The following SSH1 variants were observed in gnomAD, a reference collection of about 807,000 sequenced individuals.
SSH1 encodes the protein protein phosphatase Slingshot homolog 1.
SSH1 carries 43 observed loss-of-function variants against 79.7 expected under a neutral mutation model. That is an observed-to-expected ratio of 0.54 (90% confidence interval 0.42 to 0.70). SSH1 has a LOEUF of 0.70. Among genes scored for constraint, SSH1 ranks in the 30% least tolerant of loss-of-function variants. The probability of loss-of-function intolerance (pLI) is 0.00; values close to 1 mark genes in which losing one functional copy is unlikely to be tolerated. For synonymous variants in SSH1, 599 were observed against 538.3 expected, an observed-to-expected ratio of 1.11 and a Z score of -1.56; for missense variants, 1,206 against 1,358.8, an observed-to-expected ratio of 0.89 and a Z score of 1.77.
At chr12:108,811,746 C>T (rs1351909899) in intron 5 of SSH1, 3 of 282,706 alleles carry the variant, frequency 1.1e-5, no homozygotes, top group African/African-American at 2.2e-5. Flanking sequence ...TGTGCACCTG[C>T]GCCTTTAGTG....
chr12:108,832,221 C>T (rs986344891), intron 2 of SSH1, among the ~76,000 whole-genome samples: 10 of 151,762 alleles, frequency 6.6e-5, no homozygotes, highest in African/African-American at 1.7e-4. Context: ...CACTTGAGCC[C>T]GGGAGGCAGA....
intron 13 of SSH1, among the ~76,000 whole-genome samples, chr12:108,797,152 C>T (rs1259577349): frequency 6.6e-6 from 1 of 152,078 alleles, no homozygotes; most frequent in Admixed American, 6.6e-5. Context: ...TTTCAGACAG[C>T]GTCTGGTTCT....
Position 108,843,475 on chromosome 12 carries a change from C to T in SSH1, c.110+9163G>A, listed in dbSNP as rs921712979. On this transcript the variant is annotated intron_variant, in intron 2 of 14. Transcript: ENST00000326495. ...TCTTCATATGTGCTCAGAGGGGCCC[C>T]GTGCTTGGTTTAATACTCTGTTGGT... is the stretch of plus-strand genomic sequence containing the variant. Among the ~76,000 whole-genome samples, 3 of 151,956 alleles carry T rather than the reference C, an allele frequency of 2.0e-5. No homozygotes were observed. In the East Asian group the frequency reaches 5.8e-4, roughly 29 times the overall value.
chr12:108,811,544 G>A (rs1046628729), intron 5 of SSH1: 1 of 604,896 alleles, frequency 1.7e-6, no homozygotes, highest in South Asian at 1.8e-5. Flanking sequence ...GCTTTTGGGT[G>A]CAGTGTGGGC....
intron 13 of SSH1, among the ~76,000 whole-genome samples, chr12:108,794,920 A>C (rs1183471402): frequency 6.6e-6 from 1 of 152,202 alleles, no homozygotes; most frequent in Non-Finnish European, 1.5e-5. Context: ...TACCCATCTG[A>C]CACAAATGCA....
chr12:108,835,887 T>TA lies in SSH1; in HGVS notation c.111-12527_111-12526insT, dbSNP rs1463489329. On this transcript the variant is annotated intron_variant, in intron 2 of 14. Transcript: ENST00000326495. ...CATATATACATATTATATTAATTAA[T>TA]TATAACTATATTAATATAATTAATT... Among the ~76,000 whole-genome samples, 41 of 118,354 alleles carry TA rather than the reference T, an allele frequency of 3.5e-4. 3 individuals are homozygous for TA. Among genetic ancestry groups the TA allele is most frequent in the African/African-American group, 1.2e-3 (39 of 33,714 alleles). 77.6% of individuals were successfully genotyped at this position (118,354 alleles called of 152,430 possible).
Position 108,792,419 on chromosome 12 carries a change from A to G in SSH1, c.1760T>C (p.Val587Ala). 6.2e-7 allele frequency: 1 copy of G among 1,613,994 alleles called. No homozygotes were observed. The highest frequency in any genetic ancestry group is 8.5e-7 in the Non-Finnish European group (1 of 1,180,012). ...GCCCTCCTCCCTTTCCGTCTCCTCCACCTGCAGCAAGGAGCCGCTCCGACC... is the reference window on the plus strand; with the variant it reads ...GCCCTCCTCCCTTTCCGTCTCCTCCGCCTGCAGCAAGGAGCCGCTCCGACC... ...PKGRSGSLLQ[V>A]EETEREEGLG... The change falls in exon 14 of 15, where the codon GTG (valine) becomes GCG (alanine). Residue 587 changes from valine to alanine, a missense_variant. Val to Ala is a moderately conservative substitution (Grantham distance 64). Transcript: ENST00000326495.
In SSH1 at chr12:108,823,238, T is replaced by A. The variant is rs773223917; in HGVS notation, c.214+20A>T. 1 of 1,556,724 alleles carries A rather than the reference T, an allele frequency of 6.4e-7. No homozygotes were observed. The highest frequency in any genetic ancestry group is 1.2e-5 in the South Asian group (1 of 84,838). ...CAGAAAAGAAGCTCCAATGTAAGAG[T>A]ATCAACTTAGAGCCCTCACCTGCAT... On this transcript the variant is annotated intron_variant, in intron 3 of 14. Coordinates refer to ENST00000326495, the MANE Select transcript of SSH1 (RefSeq NM_018984.4).
In SSH1 at chr12:108,786,669, G is replaced by A. The variant is rs2036283718; in HGVS notation, c.*1319C>T. 1 of 152,248 alleles carries A rather than the reference G, an allele frequency of 6.6e-6. No individual in the cohort carries two copies. Among genetic ancestry groups the A allele is most frequent in the Non-Finnish European group, 1.5e-5 (1 of 68,060 alleles). 9.4% of individuals were successfully genotyped at this position (152,248 alleles called of 1,614,324 possible). On this transcript the variant is annotated 3_prime_UTR_variant, in exon 15 of 15. Coordinates refer to ENST00000326495, the MANE Select transcript of SSH1 (RefSeq NM_018984.4). ...ACTGTACTCCAGCCTAGGTGACAGAGCCAGGCCCTGTCTTAAAGAGGAAAA... is the reference window on the plus strand; with the variant it reads ...ACTGTACTCCAGCCTAGGTGACAGAACCAGGCCCTGTCTTAAAGAGGAAAA...
chr12:108,792,258 G>A, intron 14 of SSH1, 28 bp downstream of exon 14: 2 of 1,614,138 alleles, frequency 1.2e-6, no homozygotes, highest in Non-Finnish European at 1.7e-6. Flanking sequence ...GATGGGGTGT[G>A]CCACCCTGCA....
rs2039161882 is a variant in SSH1 at position 108,857,178 on chromosome 12, T to C, written c.69+250A>G. On this transcript the variant is annotated intron_variant, in intron 1 of 14. Coordinates refer to ENST00000326495, the MANE Select transcript of SSH1 (RefSeq NM_018984.4). The surrounding 1 kb of genome is among the most constrained non-coding windows in gnomAD (Gnocchi z 4.7). ...CAGAGGGGTCGCACTGCATACACAG[T>C]CCCTGCAAAGTCGCCCCCCGATAGG... 6.6e-6 allele frequency among the ~76,000 whole-genome samples: 1 copy of C among 152,016 alleles called. No homozygotes were observed. The highest frequency in any genetic ancestry group is 1.5e-5 in the Non-Finnish European group (1 of 67,978).
rs2037355030 is a variant in SSH1 at position 108,807,681 on chromosome 12, T to C, written c.683A>G (p.Gln228Arg). 2 of 1,613,120 alleles carry C rather than the reference T, an allele frequency of 1.2e-6. No homozygotes were observed. The highest frequency in any genetic ancestry group is 1.7e-6 in the Non-Finnish European group (2 of 1,179,492). ...QSCINEWNAM[Q>R]DLESTRPDSP... ...GTCGGGCCGCGTAGACTCCAGGTCC[T>C]GCATGGCGTTCCACTCGTTGATGCA... The change falls in exon 8 of 15, where the codon CAG becomes CGG. Residue 228 changes from glutamine (Q) to arginine (R), a missense_variant. By Grantham distance (43) the Gln-to-Arg change is conservative. Around this residue, in one of 5 missense-constraint regions of SSH1, gnomAD observed 116 missense variants for 109.0 expected, o/e 1.06. Transcript: ENST00000326495. This position sits in a 1 kb window ranked among gnomAD's most constrained non-coding sequence, Gnocchi z 5.2.
rs2037340187 is a variant in SSH1, at chr12:108,807,462, T to C, written c.731+171A>G. 5.0e-6 allele frequency: 3 copies of C among 596,126 alleles called. No homozygotes were observed. The East Asian group carries it at 8.2e-5, about 16-fold the overall frequency. 36.9% of individuals were successfully genotyped at this position (596,126 alleles called of 1,614,324 possible). On this transcript the variant is annotated intron_variant, in intron 8 of 14. Transcript: ENST00000326495. This position sits in a 1 kb window ranked among gnomAD's most constrained non-coding sequence, Gnocchi z 5.2. ...TTTTTTTGCATGGGACAGGGGCCTG[T>C]GTCACAGACCCCTGCTTTAAACGCT...
At chr12:108,817,787 G>A (rs909885963) in intron 4 of SSH1, among the ~76,000 whole-genome samples, 7 of 152,202 alleles carry the variant, frequency 4.6e-5, no homozygotes, top group Non-Finnish European at 8.8e-5. Flanking sequence ...GCCCCTCTGG[G>A]GAACTGAGGA....
intron 14 of SSH1, chr12:108,791,840 G>T: frequency 1.2e-6 from 1 of 819,654 alleles, no homozygotes; most frequent in Non-Finnish European, 1.6e-6. Context: ...ATCTGGGATT[G>T]GTTCCAGGAT....
At chr12:108,792,146 G>A (rs762558701) in intron 14 of SSH1, 140 bp downstream of exon 14, 31 of 1,514,330 alleles carry the variant, frequency 2.0e-5, no homozygotes, top group African/African-American at 4.1e-5. Context: ...GGAGCTGGGG[G>A]CCCAGAGGAG....
chr12:108,831,087 T>C (rs2038460447), intron 2 of SSH1, among the ~76,000 whole-genome samples: 1 of 152,190 alleles, frequency 6.6e-6, no homozygotes, highest in Non-Finnish European at 1.5e-5. Flanking sequence ...AGTTAAATAG[T>C]ACAAATTTAG....
At chr12:108,796,734 T>C (rs979216661) in intron 13 of SSH1, among the ~76,000 whole-genome samples, 1 of 152,130 alleles carries the variant, frequency 6.6e-6, no homozygotes, top group African/African-American at 2.4e-5. Context: ...TGCTAGATGA[T>C]ATAATTTTAT....
rs1490379221 is a variant in SSH1 at position 108,788,531 on chromosome 12, G to C, written c.2607C>G (p.Gly869=). Residue 869 remains glycine (G), a synonymous_variant, in exon 15 of 15, where the codon GGC becomes GGG. Coordinates refer to ENST00000326495, the MANE Select transcript of SSH1 (RefSeq NM_018984.4). ...CGGCCTGGCTGGGCATAACCAGGGG[G>C]CCCAGCTCGTGGAGCGCGGCTGGAT... ...SQDPAALHEL[G]PLVMPSQAGS... is the part of the protein sequence containing the mutation. 6.4e-7 allele frequency: 1 copy of C among 1,567,230 alleles called. No homozygotes were observed. Among genetic ancestry groups the C allele is most frequent in the Non-Finnish European group, 8.6e-7 (1 of 1,156,898 alleles).
Sources: gnomAD v4.1 joint callset for allele counts (sites outside exome capture counted in the v4.1 genomes callset) on GRCh38, gnomAD v4.1.1 for gene constraint, gnomAD v4.1.1 regional missense constraint, Gnocchi (gnomAD v3.1) non-coding constraint, MANE v1.5 for transcripts, NCBI Gene and HGNC (gene_info 2026-07-23, HGNC 2026-07-21) for gene names.